INTS14: variants seen among roughly 807,000 people sequenced by gnomAD.
INTS14 encodes the protein integrator complex subunit 14.
Under a neutral mutation model 56.9 loss-of-function variants are expected in INTS14, and 27 were observed. That is an observed-to-expected ratio of 0.47 (90% CI 0.35 to 0.65). The LOEUF (loss-of-function observed/expected upper bound fraction) is 0.65, where lower values mean the gene tolerates loss of function less well. INTS14 is among the 30% of genes least tolerant of loss of function. INTS14 has a pLI of 0.00. For missense variants in INTS14, 517 were observed against 632.2 expected (o/e 0.82, Z 1.95); for synonymous variants, 207 against 236.2 (o/e 0.88, Z 1.13).
intron 2 of INTS14, among the ~76,000 whole-genome samples, chr15:65,606,847 T>C (rs2073672240): frequency 6.6e-6 from 1 of 152,188 alleles, no homozygotes; most frequent in Non-Finnish European, 1.5e-5. Flanking sequence ...AAATTAAGTG[T>C]TGAGCCTAAA....
Position 65,595,727 on chromosome 15 carries a change from A to G in INTS14, c.841+6T>C. 6.3e-7 allele frequency: 1 copy of G among 1,597,594 alleles called. No homozygotes were observed. On this transcript the variant is annotated splice_donor_region_variant and intron_variant, in intron 7 of 11. Transcript: ENST00000313182. ...CTTCAGACGTATCAGTGGAATAGGA[A>G]CTCACCTTTGTTAAGTGCTATAGGT...
chr15:65,588,665 C>G (rs879723541), intron 9 of INTS14, among the ~76,000 whole-genome samples: 12 of 147,880 alleles, frequency 8.1e-5, no homozygotes, highest in Non-Finnish European at 3.0e-5. Context: ...GAGACTCTGT[C>G]TCAATTAAAA....
At position 65,582,959 on chromosome 15, in the gene INTS14, C is replaced by A. The variant is rs147121976; in HGVS notation, c.1240-940G>T. ...GGAAAAGATGCACATTATTGGTCAT[C>A]AAGGAAATGCAAAAACAAAGACATA... On this transcript the variant is annotated intron_variant, in intron 10 of 11. Transcript: ENST00000313182. Among the ~76,000 whole-genome samples, 393 of 152,096 alleles carry A rather than the reference C, an allele frequency of 2.6e-3. 1 individual carries two copies. The highest frequency in any genetic ancestry group is 8.8e-3 in the African/African-American group (365 of 41,530).
Position 65,579,432 on chromosome 15 carries a change from A to G in INTS14, c.1533T>C (p.Ser511=), listed in dbSNP as rs1221261323. ...TTCAAATTCTTTCAGTGCTGCTCCCAGAGAAGTCCGTGTGCAAAGGTGTGA... is the reference window on the plus strand; with the variant it reads ...TTCAAATTCTTTCAGTGCTGCTCCCGGAGAAGTCCGTGTGCAAAGGTGTGA... ...QNITPLHTDF[S]GSSTERI The change falls in exon 12 of 12, where the codon TCT becomes TCC. Residue 511 remains serine (S), a synonymous_variant. Transcript: ENST00000313182. 6.2e-7 allele frequency: 1 copy of G among 1,612,964 alleles called. No individual in the cohort carries two copies. Among genetic ancestry groups the G allele is most frequent in the East Asian group, 2.2e-5 (1 of 44,860 alleles).
chr15:65,591,748 CG>C lies in INTS14; in HGVS notation c.987-18del, dbSNP rs764162892. 1 of 1,612,394 alleles carries C rather than the reference CG, an allele frequency of 6.2e-7. No individual in the cohort carries two copies. The highest frequency in any genetic ancestry group is 8.5e-7 in the Non-Finnish European group (1 of 1,179,332). ...CATTCAGGACTAGATGGAGAGAAGA[CG>C]GAAGATCAGAAGAACATCAAGCCTG... On this transcript the variant is annotated intron_variant, in intron 8 of 11. Coordinates refer to ENST00000313182, the MANE Select transcript of INTS14 (RefSeq NM_001394796.1).
At chr15:65,605,338 C>T in intron 2 of INTS14, 102 bp from the exon 3 acceptor site, 1 of 814,888 alleles carries the variant, frequency 1.2e-6, no homozygotes, top group Non-Finnish European at 2.0e-6. Context: ...ACAGGGGACA[C>T]TGATGTATCT....
intron 1 of INTS14, among the ~76,000 whole-genome samples, 168 bp from the exon 2 acceptor site, chr15:65,607,610 G>T (rs1399158552): frequency 2.0e-5 from 3 of 152,130 alleles, no homozygotes; most frequent in African/African-American, 4.8e-5. Context: ...TTAGTTCATT[G>T]TAAGGACCAC....
intron 9 of INTS14, among the ~76,000 whole-genome samples, chr15:65,585,985 G>A (rs1015350411): frequency 2.0e-5 from 3 of 152,116 alleles, no homozygotes; most frequent in Non-Finnish European, 4.4e-5. Context: ...CTAAGGTCCT[G>A]CAAGTCCTTT....
intron 11 of INTS14, among the ~76,000 whole-genome samples, 154 bp downstream of exon 11, chr15:65,581,800 G>A (rs992444056): frequency 2.0e-5 from 3 of 151,186 alleles, no homozygotes; most frequent in African/African-American, 7.3e-5. Flanking sequence ...GGATTTTAGG[G>A]AAGGAACAGA....
chr15:65,605,963 A>T (rs1246191801), intron 2 of INTS14, among the ~76,000 whole-genome samples: 1 of 152,226 alleles, frequency 6.6e-6, no homozygotes, highest in Admixed American at 6.5e-5. Context: ...CACTTAAAAA[A>T]TCTGAGATAA....
intron 9 of INTS14, among the ~76,000 whole-genome samples, chr15:65,590,282 T>C (rs1464483393): frequency 2.0e-5 from 3 of 152,222 alleles, no homozygotes; most frequent in African/African-American, 4.8e-5. Context: ...GGCCATACTG[T>C]ACAACTGCAG....
At chr15:65,583,802 T>G (rs1384688077) in intron 10 of INTS14, among the ~76,000 whole-genome samples, 9 of 152,214 alleles carry the variant, frequency 5.9e-5, no homozygotes, top group Admixed American at 5.9e-4. Context: ...GGTTCTAATA[T>G]CCCTCTGACA....
At chr15:65,610,695 G>A (rs1204908185) in intron 1 of INTS14, 2 of 1,535,674 alleles carry the variant, frequency 1.3e-6, no homozygotes, top group Admixed American at 3.9e-5. Flanking sequence ...CCTGCTCTTT[G>A]GCTTTCCCGT....
chr15:65,589,663 T>G (rs1156441033), intron 9 of INTS14, among the ~76,000 whole-genome samples: 2 of 152,232 alleles, frequency 1.3e-5, no homozygotes, highest in Non-Finnish European at 2.9e-5. Context: ...CTAATGACCA[T>G]GATTCTAGAT....
At position 65,610,912 on chromosome 15, in the gene INTS14, C is replaced by T. The variant is rs779362529; in HGVS notation, c.-63+186G>A. On this transcript the variant is annotated intron_variant, in intron 1 of 11. Coordinates refer to ENST00000313182, the MANE Select transcript of INTS14 (RefSeq NM_001394796.1). ...TTTACGCGGAGCTGGGGACCCCGAG[C>T]CTCAGAGCGAGGGGAGGCCGGGAGC... 1.4e-5 allele frequency: 20 copies of T among 1,467,270 alleles called. No homozygotes were observed. The Admixed American group carries it at 1.5e-4, about 11-fold the overall frequency. The allele number at this position is 1,467,270 out of a possible 1,614,324, so 90.9% of individuals were successfully genotyped here.
Position 65,584,754 on chromosome 15 carries a change from TA to T in INTS14, c.1239+15del. ...CTCCTGTCCCCAGTGGAAAGCAACATAAATGGTAATGTTACCTGCAGGCCGC... is the reference window on the plus strand; with the variant it reads ...CTCCTGTCCCCAGTGGAAAGCAACATAATGGTAATGTTACCTGCAGGCCGC... On this transcript the variant is annotated intron_variant, in intron 10 of 11. Transcript: ENST00000313182. 2 of 1,608,300 alleles carry T rather than the reference TA, an allele frequency of 1.2e-6. No homozygotes were observed. The highest frequency in any genetic ancestry group is 1.1e-5 in the South Asian group (1 of 90,058).
intron 2 of INTS14, 83 bp from the exon 3 acceptor site, chr15:65,605,319 G>T: frequency 9.3e-7 from 1 of 1,070,588 alleles, no homozygotes; most frequent in Non-Finnish European, 1.4e-6. Context: ...TTCAAAGTAT[G>T]AATGTTACAC....
At chr15:65,611,059 A>G (rs1441707983) in intron 1 of INTS14, 39 bp downstream of exon 1, 9 of 1,535,372 alleles carry the variant, frequency 5.9e-6, no homozygotes, top group Non-Finnish European at 7.0e-6. Context: ...CCCAACAAGC[A>G]GCGAAAGGCA....
At chr15:65,595,990 A>C (rs752146929) in intron 6 of INTS14, among the ~76,000 whole-genome samples, 165 bp from the exon 7 acceptor site, 41 of 152,352 alleles carry the variant, frequency 2.7e-4, no homozygotes, top group Non-Finnish European at 5.1e-4. Context: ...TTGCATTTTA[A>C]GCTGCTCAGG....
Sources: allele counts gnomAD v4.1 joint callset (sites outside exome capture counted in the v4.1 genomes callset), GRCh38; gene constraint gnomAD v4.1.1; transcripts MANE v1.5; gene names NCBI Gene and HGNC (gene_info 2026-07-23, HGNC 2026-07-21).